EPG5: variants seen among roughly 807,000 people sequenced by gnomAD.
EPG5 encodes ectopic P granules protein 5 homolog.
A neutral mutation model predicts 302.7 loss-of-function variants in EPG5; 159 were observed. That is an observed-to-expected ratio of 0.53 (90% CI 0.46 to 0.60). EPG5 has a LOEUF of 0.60. Among genes scored for constraint, EPG5 ranks in the 20% least tolerant of loss-of-function variants. The pLI, the probability that EPG5 is intolerant of heterozygous loss-of-function variation, is 0.00. For synonymous variants in EPG5, 1,158 were observed against 1,136.8 expected (o/e 1.02, Z -0.37); for missense variants, 2,896 against 3,092.4 (o/e 0.94, Z 1.51).
intron 14 of EPG5, 74 bp from the exon 15 acceptor site, chr18:45,923,461 T>C (rs1433885363): frequency 2.0e-6 from 3 of 1,470,668 alleles, no homozygotes; most frequent in African/African-American, 2.8e-5. Flanking sequence ...AATCAAAACA[T>C]TAGGCAGAAT....
chr18:45,967,105 G>A, intron 1 of EPG5, 72 bp downstream of exon 1: 1 of 1,456,988 alleles, frequency 6.9e-7, no homozygotes, highest in Non-Finnish European at 9.3e-7. Flanking sequence ...GAATTGGCTG[G>A]GGAGGCCGAA....
At chr18:45,958,210 C>A (rs2143834154) in intron 1 of EPG5, among the ~76,000 whole-genome samples, 1 of 152,250 alleles carries the variant, frequency 6.6e-6, no homozygotes, top group Non-Finnish European at 1.5e-5. Flanking sequence ...AATGGAAAGA[C>A]AATCTATGTC....
chr18:45,917,884 A>T, intron 16 of EPG5, 65 bp from the exon 17 acceptor site: 2 of 1,579,460 alleles, frequency 1.3e-6, no homozygotes, highest in Non-Finnish European at 1.7e-6. Context: ...TGTTCTTCCA[A>T]TGAGTTATGA....
At chr18:45,840,121 C>A in the EPG5 span, 1 of 1,455,656 alleles carries the variant, frequency 6.9e-7, no homozygotes, top group Non-Finnish European at 9.5e-7. Context: ...TTCCTCGAGA[C>A]CCCTTCCACA....
At chr18:45,862,490 T>C (rs187047018) in intron 39 of EPG5, among the ~76,000 whole-genome samples, 6 of 152,182 alleles carry the variant, frequency 3.9e-5, no homozygotes, top group African/African-American at 1.4e-4. Context: ...GAGTTTAGTG[T>C]GAGGTGGCTG....
chr18:45,834,086 T>C, the EPG5 span, among the ~76,000 whole-genome samples: 1 of 152,178 alleles, frequency 6.6e-6, no homozygotes, highest in Non-Finnish European at 1.5e-5. Context: ...GCTGTTCCCT[T>C]TGCCTAGAAT....
intron 35 of EPG5, among the ~76,000 whole-genome samples, chr18:45,875,363 T>C (rs2048946797): frequency 6.6e-6 from 1 of 152,086 alleles, no homozygotes; most frequent in South Asian, 2.1e-4. Flanking sequence ...TTAATGTACA[T>C]ACATCATAAA....
chr18:45,915,570 A>G lies in EPG5; in HGVS notation c.3634T>C (p.Trp1212Arg). 1 of 1,614,208 alleles carries G rather than the reference A, an allele frequency of 6.2e-7. No individual in the cohort carries two copies. Among genetic ancestry groups the G allele is most frequent in the Non-Finnish European group, 8.5e-7 (1 of 1,180,034 alleles). The change falls in exon 20 of 44, where the codon TGG (tryptophan) becomes CGG (arginine). Residue 1212 changes from tryptophan to arginine, a missense_variant. Physicochemically the swap from Trp to Arg is moderately radical, Grantham distance 101 (BLOSUM62 -3). Transcript: ENST00000282041. ...GGAGTGATGTTGCCTGCCACAATCC[A>G]GCTTACCAAAGATGAGAGCAGACTC... ...DRSLLSSLVSWIVAGNITPSF... is the reference protein window; with the variant it reads ...DRSLLSSLVSRIVAGNITPSF...
chr18:45,926,154 T>A (rs2050262770), intron 13 of EPG5, among the ~76,000 whole-genome samples: 1 of 152,240 alleles, frequency 6.6e-6, no homozygotes, highest in African/African-American at 2.4e-5. Flanking sequence ...CAAATTGGTA[T>A]GCTTCAGTTT....
At position 45,955,235 on chromosome 18, in the gene EPG5, T is replaced by A; in HGVS notation, c.167A>T (p.Lys56Ile). 6.2e-7 allele frequency: 1 copy of A among 1,614,208 alleles called. No homozygotes were observed. The highest frequency in any genetic ancestry group is 8.5e-7 in the Non-Finnish European group (1 of 1,180,020). The change falls in exon 2 of 44, where the codon AAA (lysine) becomes ATA (isoleucine). Residue 56 changes from lysine to isoleucine, a missense_variant. By Grantham distance (102) the Lys-to-Ile change is moderately radical. Around this residue, in one of 5 missense-constraint regions of EPG5, gnomAD observed 1,390 missense variants for 1,430.0 expected, o/e 0.97. Coordinates refer to ENST00000282041, the MANE Select transcript of EPG5 (RefSeq NM_020964.3). The part of the protein sequence containing the change: ...QEIPSLACEF[K>I]GDHLKVVTDS... Reference sequence around the variant, plus strand: ...AGTTACCACCTTCAGATGGTCTCCTTTGAATTCACAGGCTAGAGAAGGGAT... The same window carrying A: ...AGTTACCACCTTCAGATGGTCTCCTATGAATTCACAGGCTAGAGAAGGGAT...
intron 27 of EPG5, among the ~76,000 whole-genome samples, chr18:45,895,513 T>A (rs2049450915): frequency 6.6e-6 from 1 of 152,068 alleles, no homozygotes. Context: ...GACCCCAGAT[T>A]AAGAACTCCA....
Position 45,944,243 on chromosome 18 carries a change from T to G in EPG5, c.1678-124A>C, listed in dbSNP as rs576656315. ...CATGTGATATCCTCATGAGTCTTCA[T>G]GGACCTTTTCTCCAGGACAGCAATT... On this transcript the variant is annotated intron_variant, in intron 7 of 43. Coordinates refer to ENST00000282041, the MANE Select transcript of EPG5 (RefSeq NM_020964.3). 6.5e-6 allele frequency: 4 copies of G among 616,452 alleles called. No individual in the cohort carries two copies. The East Asian group carries it at 1.1e-4, about 17-fold the overall frequency. 38.2% of individuals were successfully genotyped at this position (616,452 alleles called of 1,614,324 possible).
chr18:45,946,040 T>C (rs2145924941), intron 7 of EPG5, among the ~76,000 whole-genome samples: 1 of 152,320 alleles, frequency 6.6e-6, no homozygotes, highest in East Asian at 1.9e-4. Flanking sequence ...AATAAAGGAC[T>C]AGAACTGATA....
Position 45,954,409 on chromosome 18 carries a change from T to C in EPG5, c.993A>G (p.Glu331=), listed in dbSNP as rs1269772927. ...AKSRLWQFKE[E]QMSVQGICAD... Reference sequence around the variant, plus strand: ...ATCAAAATACCTGTACAGACATTTGTTCCTCCTTAAACTGCCACAGCCGAC... The same window carrying C: ...ATCAAAATACCTGTACAGACATTTGCTCCTCCTTAAACTGCCACAGCCGAC... Residue 331 remains glutamate (E), a synonymous_variant, in exon 2 of 44, where the codon GAA becomes GAG. Coordinates refer to ENST00000282041, the MANE Select transcript of EPG5 (RefSeq NM_020964.3). 2 of 1,607,940 alleles carry C rather than the reference T, an allele frequency of 1.2e-6. No homozygotes were observed. The highest frequency in any genetic ancestry group is 2.2e-5 in the South Asian group (2 of 90,056).
intron 42 of EPG5, among the ~76,000 whole-genome samples, chr18:45,856,880 T>C (rs1013929929): frequency 1.3e-5 from 2 of 152,232 alleles, no homozygotes; most frequent in Non-Finnish European, 2.9e-5. Flanking sequence ...CCAGACTTGC[T>C]TCTCATTACT....
intron 11 of EPG5, among the ~76,000 whole-genome samples, chr18:45,932,043 A>G (rs1201961045): frequency 6.6e-6 from 1 of 152,024 alleles, no homozygotes; most frequent in Non-Finnish European, 1.5e-5. Flanking sequence ...TCCATCTCCA[A>G]ATTGGATTTA....
chr18:45,939,793 G>A lies in EPG5; in HGVS notation c.1944-38C>T, dbSNP rs546007266. On this transcript the variant is annotated intron_variant, in intron 9 of 43. Transcript: ENST00000282041. ...AAAGATAATACAGTACTTTTCATTAGCTCAATATCTGCACCTTTATATTAC... is the reference window on the plus strand; with the variant it reads ...AAAGATAATACAGTACTTTTCATTAACTCAATATCTGCACCTTTATATTAC... 71 of 1,573,650 alleles carry A rather than the reference G, an allele frequency of 4.5e-5. No individual in the cohort carries two copies. The South Asian group carries it at 7.3e-4, about 16-fold the overall frequency.
chr18:45,919,244 A>C (rs1466417032), intron 16 of EPG5, among the ~76,000 whole-genome samples: 1 of 152,144 alleles, frequency 6.6e-6, no homozygotes, highest in Non-Finnish European at 1.5e-5. Flanking sequence ...ATTCCAGTAC[A>C]CCTAATCCCA....
intron 6 of EPG5, among the ~76,000 whole-genome samples, chr18:45,947,769 T>C (rs2050818509): frequency 6.6e-6 from 1 of 151,138 alleles, no homozygotes; most frequent in Non-Finnish European, 1.5e-5. Flanking sequence ...TGAAATCTAA[T>C]CCATTCTTTT....
Sources: allele counts gnomAD v4.1 joint callset (sites outside exome capture counted in the v4.1 genomes callset), GRCh38; gene constraint gnomAD v4.1.1; regional missense constraint gnomAD v4.1.1; transcripts MANE v1.5; gene names NCBI Gene and HGNC (gene_info 2026-07-23, HGNC 2026-07-21).